DLG2: variants seen among roughly 807,000 people sequenced by gnomAD.
DLG2 encodes the protein disks large homolog 2.
A neutral mutation model predicts 132.5 loss-of-function variants in DLG2; 45 were observed. That is an observed-to-expected ratio of 0.34 (90% CI 0.27 to 0.44). The LOEUF is 0.44. Ranked by LOEUF, DLG2 falls within the 20% of genes least tolerant of loss-of-function variation. The pLI is 1.00. For synonymous variants in DLG2, 424 were observed against 419.6 expected (o/e 1.01, Z -0.13); for missense variants, 1,045 against 1,196.9 (o/e 0.87, Z 1.87).
chr11:85,359,128 C>T (rs1054694075), intron 3 of DLG2, among the ~76,000 whole-genome samples: 5 of 152,208 alleles, frequency 3.3e-5, no homozygotes, highest in Non-Finnish European at 5.9e-5. Context: ...ATAATTTACA[C>T]AGTCTCATTA....
At position 84,535,782 on chromosome 11, in the gene DLG2, A is replaced by G. The variant is rs61897757; in HGVS notation, c.358-1051T>C. Among the ~76,000 whole-genome samples, 798 of 152,292 alleles carry G rather than the reference A, an allele frequency of 5.2e-3. 2 individuals are homozygous for G. Among genetic ancestry groups the G allele is most frequent in the Middle Eastern group, 0.014 (4 of 294 alleles). On this transcript the variant is annotated intron_variant, in intron 6 of 27. Coordinates refer to ENST00000376104, the MANE Select transcript of DLG2 (RefSeq NM_001142699.3). ...CCTCTACATCTGACCTCTTAATCAGATAATAAAGTGTTAGTTTGCTTTACT... is the reference window on the plus strand; with the variant it reads ...CCTCTACATCTGACCTCTTAATCAGGTAATAAAGTGTTAGTTTGCTTTACT...
intron 6 of DLG2, among the ~76,000 whole-genome samples, chr11:84,914,241 G>C (rs989768853): frequency 2.0e-5 from 3 of 152,018 alleles, no homozygotes; most frequent in African/African-American, 7.2e-5. Flanking sequence ...AGTCTACACA[G>C]AAAGAAAAAA....
chr11:84,785,527 T>G (rs1387186759), intron 6 of DLG2, among the ~76,000 whole-genome samples: 1 of 152,134 alleles, frequency 6.6e-6, no homozygotes, highest in Non-Finnish European at 1.5e-5. Context: ...CTATTATTCC[T>G]TCATAATTGA....
At chr11:85,111,606 A>T in intron 6 of DLG2, 55 bp downstream of exon 6, 2 of 1,429,546 alleles carry the variant, frequency 1.4e-6, no homozygotes, top group Non-Finnish European at 1.9e-6. Flanking sequence ...AGATTATTCC[A>T]AAATATAAAA....
In DLG2 at chr11:84,690,714, T is replaced by C. The variant is rs1422115511; in HGVS notation, c.358-155983A>G. On this transcript the variant is annotated intron_variant, in intron 6 of 27. Coordinates refer to ENST00000376104, the MANE Select transcript of DLG2 (RefSeq NM_001142699.3). ...TACTAATTATGTGAGTTAGGTGTTA[T>C]CATCACAACAATATTCATTTAAGGA... 5.3e-5 allele frequency among the ~76,000 whole-genome samples: 8 copies of C among 152,016 alleles called. No homozygotes were observed. In the South Asian group the frequency reaches 1.7e-3, roughly 32 times the overall value.
At chr11:83,806,357 T>C (rs1406699912) in intron 17 of DLG2, among the ~76,000 whole-genome samples, 1 of 152,184 alleles carries the variant, frequency 6.6e-6, no homozygotes, top group Non-Finnish European at 1.5e-5. Flanking sequence ...TAACCACTGA[T>C]AATAAACTAG....
chr11:83,812,241 C>A (rs994080914), intron 17 of DLG2, among the ~76,000 whole-genome samples: 3 of 152,108 alleles, frequency 2.0e-5, no homozygotes, highest in Admixed American at 6.6e-5. Context: ...TTCCTCTATC[C>A]TTAACACTAA....
At chr11:84,373,248 T>TCAAAAAAAAAAA (rs1555532561) in intron 7 of DLG2, among the ~76,000 whole-genome samples, 26 of 1,438 alleles carry the variant, frequency 0.018, no homozygotes, top group Admixed American at 0.091. Context: ...TAAGAAACAG[T>TCAAAAAAAAAAA]CAAAAAAAAA....
intron 3 of DLG2, among the ~76,000 whole-genome samples, chr11:85,461,536 G>A (rs1333318591): frequency 1.3e-5 from 2 of 152,178 alleles, no homozygotes; most frequent in Non-Finnish European, 2.9e-5. Context: ...GAGAGTGAGA[G>A]AAGTCCTTGA....
intron 19 of DLG2, among the ~76,000 whole-genome samples, chr11:83,593,368 A>G (rs1294197446): frequency 6.6e-6 from 1 of 151,600 alleles, no homozygotes; most frequent in Non-Finnish European, 1.5e-5. Flanking sequence ...ATTGGAAATC[A>G]TCATTCTCAG....
chr11:84,021,531 G>T (rs1411346706), intron 11 of DLG2, among the ~76,000 whole-genome samples: 3 of 152,060 alleles, frequency 2.0e-5, no homozygotes, highest in African/African-American at 7.2e-5. Flanking sequence ...GCTAATAATA[G>T]GATACTCCTC....
In DLG2 at chr11:85,335,474, G is replaced by A. The variant is rs139796628; in HGVS notation, c.41-50109C>T. Among the ~76,000 whole-genome samples the A allele has an allele frequency of 1.4e-3, 214 of 152,218 alleles. 1 individual carries two copies. The highest frequency in any genetic ancestry group is 6.8e-3 in the Middle Eastern group (2 of 294). On this transcript the variant is annotated intron_variant, in intron 3 of 27. Coordinates refer to ENST00000376104, the MANE Select transcript of DLG2 (RefSeq NM_001142699.3). ...TGTCATCATGTTAGCTAGTTGTTATGTAGACTTGATTGTGTAATTGCTTTA... is the reference window on the plus strand; with the variant it reads ...TGTCATCATGTTAGCTAGTTGTTATATAGACTTGATTGTGTAATTGCTTTA...
At chr11:83,906,081 C>CTCTATATATA (rs1211208847) in intron 15 of DLG2, among the ~76,000 whole-genome samples, 1 of 96,604 alleles carries the variant, frequency 1.0e-5, no homozygotes, top group African/African-American at 4.4e-5. Flanking sequence ...CTCTCTCTCT[C>CTCTATATATA]TATATATATA....
chr11:85,277,264 C>G (rs1333796568), intron 4 of DLG2, among the ~76,000 whole-genome samples: 1 of 152,116 alleles, frequency 6.6e-6, no homozygotes, highest in Non-Finnish European at 1.5e-5. Flanking sequence ...AAGCTTGTTT[C>G]TAAATCTGTA....
chr11:84,175,428 T>C (rs1323078911), intron 8 of DLG2, among the ~76,000 whole-genome samples: 2 of 152,164 alleles, frequency 1.3e-5, no homozygotes, highest in African/African-American at 4.8e-5. Flanking sequence ...AAAGGCTTTT[T>C]ATTTGCTGTA....
intron 2 of DLG2, among the ~76,000 whole-genome samples, chr11:85,602,187 C>T (rs2080210015): frequency 6.6e-6 from 1 of 152,160 alleles, no homozygotes; most frequent in African/African-American, 2.4e-5. Flanking sequence ...AGTCAGCATT[C>T]ATTCTTTTCT....
chr11:85,605,824 C>T (rs550034105), intron 2 of DLG2, among the ~76,000 whole-genome samples: 1 of 152,154 alleles, frequency 6.6e-6, no homozygotes, highest in South Asian at 2.1e-4. Context: ...ACTAAAAATG[C>T]AAAAATTAGC....
intron 4 of DLG2, among the ~76,000 whole-genome samples, chr11:85,169,542 T>C (rs2078696713): frequency 1.3e-5 from 2 of 152,146 alleles, no homozygotes; most frequent in African/African-American, 4.8e-5. Context: ...AGGCAATTTT[T>C]AGGGGTAGTA....
At chr11:84,165,335 C>G (rs1242697720) in intron 8 of DLG2, among the ~76,000 whole-genome samples, 1 of 152,200 alleles carries the variant, frequency 6.6e-6, no homozygotes, top group African/African-American at 2.4e-5. Context: ...GTGGCATACA[C>G]TGCATAGTTG....
Sources: allele counts gnomAD v4.1 joint callset (sites outside exome capture counted in the v4.1 genomes callset), GRCh38; gene constraint gnomAD v4.1.1; transcripts MANE v1.5; gene names NCBI Gene and HGNC (gene_info 2026-07-23, HGNC 2026-07-21).